PDLIM5: variants seen among roughly 807,000 people sequenced by gnomAD.
The protein encoded by PDLIM5 is PDZ and LIM domain protein 5.
In PDLIM5, 34 loss-of-function variants were observed where a neutral mutation model predicts 64.2. The ratio of observed to expected loss-of-function variants is 0.53; its 90% CI spans 0.40 to 0.71. The LOEUF (loss-of-function observed/expected upper bound fraction) is 0.71, where lower values mean the gene tolerates loss of function less well. Among genes scored for constraint, PDLIM5 ranks in the 30% least tolerant of loss-of-function variants. The pLI, the probability that PDLIM5 is intolerant of heterozygous loss-of-function variation, is 0.00. For missense variants in PDLIM5, 683 were observed against 733.6 expected, an observed-to-expected ratio of 0.93 and a Z score of 0.80; for synonymous variants, 253 against 269.1, an observed-to-expected ratio of 0.94 and a Z score of 0.59.
chr4:94,654,893 G>C (rs191218246), intron 10 of PDLIM5, among the ~76,000 whole-genome samples: 1 of 152,210 alleles, frequency 6.6e-6, no homozygotes, highest in East Asian at 1.9e-4. Flanking sequence ...CCACTGTGGG[G>C]AAAAAATAAT....
intron 9 of PDLIM5, among the ~76,000 whole-genome samples, chr4:94,640,682 T>A (rs1283011157): frequency 6.6e-6 from 1 of 152,172 alleles, no homozygotes; most frequent in East Asian, 1.9e-4. Flanking sequence ...TCGTTATCAG[T>A]TATCAATTCC....
At chr4:94,498,763 G>T (rs1727637982) in intron 2 of PDLIM5, among the ~76,000 whole-genome samples, 1 of 152,090 alleles carries the variant, frequency 6.6e-6, no homozygotes, top group South Asian at 2.1e-4. Flanking sequence ...AGTTTTGAGG[G>T]TTTTTCTCCT....
chr4:94,621,199 A>G (rs181581532), intron 8 of PDLIM5, among the ~76,000 whole-genome samples: 20 of 152,012 alleles, frequency 1.3e-4, no homozygotes, highest in Admixed American at 1.3e-3. Context: ...AACTTAAAAC[A>G]TTTAGTCTAA....
chr4:94,564,681 A>G (rs1734151028), intron 3 of PDLIM5, among the ~76,000 whole-genome samples: 1 of 62,668 alleles, frequency 1.6e-5, no homozygotes, highest in South Asian at 3.0e-4. Flanking sequence ...TTTTTGACAG[A>G]GTCTTGCTTT....
Position 94,665,834 on chromosome 4 carries a change from G to A in PDLIM5, c.*1767G>A. On this transcript the variant is annotated 3_prime_UTR_variant, in exon 13 of 13. Coordinates refer to ENST00000317968, the MANE Select transcript of PDLIM5 (RefSeq NM_006457.5). ...TGGAAAGCTTTTATTCACAGAGGTT[G>A]GGTAGTGTTGGGAGGGGAGTTTAAT... The A allele has an allele frequency of 7.5e-7, 1 of 1,342,112 alleles. No homozygotes were observed. Among genetic ancestry groups the A allele is most frequent in the Non-Finnish European group, 9.5e-7 (1 of 1,051,684 alleles). 83.1% of individuals were successfully genotyped at this position (1,342,112 alleles called of 1,614,324 possible).
At chr4:94,470,053 G>A (rs1375146592) in intron 2 of PDLIM5, among the ~76,000 whole-genome samples, 2 of 135,964 alleles carry the variant, frequency 1.5e-5, no homozygotes, top group African/African-American at 2.8e-5. Flanking sequence ...TGCAACCTCC[G>A]CCTCTCGGGT....
chr4:94,604,998 C>G (rs932620471), intron 7 of PDLIM5, among the ~76,000 whole-genome samples: 1 of 152,020 alleles, frequency 6.6e-6, no homozygotes, highest in Non-Finnish European at 1.5e-5. Context: ...GACTGACAGT[C>G]AAGTGAGTAT....
chr4:94,506,188 G>A lies in PDLIM5; in HGVS notation c.97-17536G>A, dbSNP rs954161942. ...AGCCAAGTGTGGGAAGTACTGCTCTGTAAAACACAGTAATTCAGTCTTTTC... is the reference window on the plus strand; with the variant it reads ...AGCCAAGTGTGGGAAGTACTGCTCTATAAAACACAGTAATTCAGTCTTTTC... On this transcript the variant is annotated intron_variant, in intron 2 of 12. Transcript: ENST00000317968. Among the ~76,000 whole-genome samples, 66 of 152,214 alleles carry A rather than the reference G, an allele frequency of 4.3e-4. 1 individual carries two copies. Among genetic ancestry groups the A allele is most frequent in the African/African-American group, 1.6e-3 (65 of 41,462 alleles).
At chr4:94,579,003 A>G (rs1261178158) in intron 5 of PDLIM5, among the ~76,000 whole-genome samples, 1 of 152,082 alleles carries the variant, frequency 6.6e-6, no homozygotes, top group Non-Finnish European at 1.5e-5. Context: ...AAACAGACAT[A>G]AACAGATGCT....
chr4:94,459,237 C>A (rs1223007664), intron 2 of PDLIM5, among the ~76,000 whole-genome samples: 1 of 152,148 alleles, frequency 6.6e-6, no homozygotes, highest in Non-Finnish European at 1.5e-5. Flanking sequence ...GTTACTTTCT[C>A]ATTATGTTTG....
intron 2 of PDLIM5, among the ~76,000 whole-genome samples, chr4:94,519,264 T>C (rs1032839085): frequency 4.6e-5 from 7 of 152,208 alleles, no homozygotes; most frequent in Admixed American, 3.9e-4. Context: ...TGAAGTAGGC[T>C]TCCTGCCTAT....
chr4:94,474,992 G>T (rs1163771807), intron 2 of PDLIM5, among the ~76,000 whole-genome samples: 4 of 152,136 alleles, frequency 2.6e-5, no homozygotes, highest in Non-Finnish European at 5.9e-5. Context: ...TCTTGGGAAG[G>T]GGCAGTTTTT....
chr4:94,556,825 A>G (rs1302851720), intron 3 of PDLIM5, among the ~76,000 whole-genome samples: 2 of 152,046 alleles, frequency 1.3e-5, no homozygotes, highest in East Asian at 1.9e-4. Flanking sequence ...AGATGAGTAG[A>G]TTGCAAAAAT....
chr4:94,548,627 A>G (rs781029111), intron 3 of PDLIM5, among the ~76,000 whole-genome samples: 1 of 152,168 alleles, frequency 6.6e-6, no homozygotes, highest in Non-Finnish European at 1.5e-5. Context: ...GGTGAACCAA[A>G]AGACATCAGA....
At chr4:94,591,769 T>G (rs1011618690) in intron 7 of PDLIM5, among the ~76,000 whole-genome samples, 1 of 152,252 alleles carries the variant, frequency 6.6e-6, no homozygotes, top group Non-Finnish European at 1.5e-5. Context: ...TTTTCTGTCC[T>G]TTCCCCTTCA....
At chr4:94,471,741 A>G (rs1232675090) in intron 2 of PDLIM5, among the ~76,000 whole-genome samples, 3 of 152,168 alleles carry the variant, frequency 2.0e-5, no homozygotes, top group African/African-American at 7.2e-5. Context: ...TATTTGCATC[A>G]TAGGATTGTT....
rs10706955 is a variant in PDLIM5 at position 94,665,481 on chromosome 4, TAAAAAAAA to T, written c.*1432_*1439del. 60,101 of 448,308 alleles carry T rather than the reference TAAAAAAAA, an allele frequency of 0.13. 1,213 individuals carry two copies. The highest frequency in any genetic ancestry group is 0.14 in the Middle Eastern group (135 of 944). The allele number at this position is 448,308 out of a possible 1,614,324, so 27.8% of individuals were successfully genotyped here. A position where few individuals can be genotyped will look rare whatever the true frequency, so the allele number is the denominator to read the frequency against. On this transcript the variant is annotated 3_prime_UTR_variant, in exon 13 of 13. Coordinates refer to ENST00000317968, the MANE Select transcript of PDLIM5 (RefSeq NM_006457.5). The stretch of plus-strand genomic sequence containing the variant: ...GGTGACAGAGCAAGACTCCGGCTCT[TAAAAAAAA>T]AAAAAAAAAAAAAAAAAGAGAGAGA...
intron 2 of PDLIM5, among the ~76,000 whole-genome samples, chr4:94,511,590 TC>T (rs71581585): frequency 1.1e-5 from 1 of 87,624 alleles, no homozygotes; most frequent in African/African-American, 4.0e-5. Context: ...TCATCAGACA[TC>T]CCCCCCAACA....
At chr4:94,629,477 G>C (rs1344724018) in intron 8 of PDLIM5, among the ~76,000 whole-genome samples, 1 of 152,104 alleles carries the variant, frequency 6.6e-6, no homozygotes, top group African/African-American at 2.4e-5. Context: ...GCTTTTACTT[G>C]TATCTCTGAC....
Sources: gnomAD v4.1 joint callset for allele counts (sites outside exome capture counted in the v4.1 genomes callset) on GRCh38, gnomAD v4.1.1 for gene constraint, MANE v1.5 for transcripts, NCBI Gene and HGNC (gene_info 2026-07-23, HGNC 2026-07-21) for gene names.